The following CFAP57 variants were observed in gnomAD, a reference collection of about 807,000 sequenced individuals.
The protein encoded by CFAP57 is cilia- and flagella-associated protein 57.
CFAP57 carries 116 observed loss-of-function variants against 146.8 expected under a neutral mutation model. The ratio of observed to expected loss-of-function variants is 0.79; its 90% confidence interval spans 0.68 to 0.92. CFAP57 has a LOEUF of 0.92. Among genes scored for constraint, CFAP57 ranks in the 40% least tolerant of loss-of-function variants. The pLI is 0.00. For synonymous variants in CFAP57, 518 were observed against 552.8 expected (o/e 0.94, Z 0.88); for missense variants, 1,377 against 1,527.2 (o/e 0.90, Z 1.64).
Position 43,201,372 on chromosome 1 carries a change from A to T in CFAP57, c.1542+1869A>T, listed in dbSNP as rs1230694386. On this transcript the variant is annotated intron_variant, in intron 9 of 22. Coordinates refer to ENST00000372492, the MANE Select transcript of CFAP57 (RefSeq NM_001378189.1). The surrounding 1 kb of genome is among the most constrained non-coding windows in gnomAD (Gnocchi z 4.4). ...AGGTTGAAGTGGTCAGTGGTACTAG[A>T]TGTCAGAGGGAGGTCATGTAAAGTC... is the stretch of plus-strand genomic sequence containing the variant. 6.6e-6 allele frequency among the ~76,000 whole-genome samples: 1 copy of T among 152,240 alleles called. No individual in the cohort carries two copies. The highest frequency in any genetic ancestry group is 1.9e-4 in the East Asian group (1 of 5,200).
chr1:43,243,452 AGGTC>A, intron 22 of CFAP57, 93 bp downstream of exon 22: 1 of 1,357,172 alleles, frequency 7.4e-7, no homozygotes, highest in South Asian at 1.7e-5. Context: ...CTTCTGTATC[AGGTC>A]CCATCTACAC....
intron 9 of CFAP57, among the ~76,000 whole-genome samples, chr1:43,200,034 G>A (rs898920402): frequency 2.0e-5 from 3 of 152,126 alleles, no homozygotes; most frequent in Non-Finnish European, 4.4e-5. Context: ...TCAGGGCAGA[G>A]AATATGACCG....
In CFAP57 at chr1:43,201,894, C is replaced by T. The variant is rs1004688875; in HGVS notation, c.1542+2391C>T. On this transcript the variant is annotated intron_variant, in intron 9 of 22. Transcript: ENST00000372492. This position sits in a 1 kb window ranked among gnomAD's most constrained non-coding sequence, Gnocchi z 4.4. ...CCTCCCAAAGTCCTGGGATTACAGG[C>T]GTGAGCCACCGCGCCTGGCCCACGG... Among the ~76,000 whole-genome samples, 2 of 152,308 alleles carry T rather than the reference C, an allele frequency of 1.3e-5. No individual in the cohort carries two copies. Among genetic ancestry groups the T allele is most frequent in the Non-Finnish European group, 2.9e-5 (2 of 68,026 alleles).
Position 43,227,143 on chromosome 1 carries a change from A to G in CFAP57, c.3009+17A>G. 6.6e-7 allele frequency: 1 copy of G among 1,520,512 alleles called. No individual in the cohort carries two copies. Among genetic ancestry groups the G allele is most frequent in the Non-Finnish European group, 8.8e-7 (1 of 1,134,226 alleles). 94.2% of individuals were successfully genotyped at this position (1,520,512 alleles called of 1,614,324 possible). On this transcript the variant is annotated intron_variant, in intron 18 of 22. Transcript: ENST00000372492. ...ATTCAGGAGGTAAGAAGCCATTTGCAACACTCTGGCCTCTCAGACCCTCTG... is the reference window on the plus strand; with the variant it reads ...ATTCAGGAGGTAAGAAGCCATTTGCGACACTCTGGCCTCTCAGACCCTCTG...
chr1:43,211,265 T>G (rs1164501222), intron 11 of CFAP57, among the ~76,000 whole-genome samples: 1 of 152,146 alleles, frequency 6.6e-6, no homozygotes, highest in Non-Finnish European at 1.5e-5. Context: ...ATAGAAGCAA[T>G]GCATATTTAT....
chr1:43,215,468 T>C, intron 12 of CFAP57, 52 bp downstream of exon 12: 1 of 1,526,962 alleles, frequency 6.5e-7, no homozygotes, highest in Non-Finnish European at 8.8e-7. Flanking sequence ...CCAGACTGCA[T>C]TCAGATGCAG....
chr1:43,181,976 G>A (rs952518921), intron 3 of CFAP57, 126 bp downstream of exon 3: 43 of 1,078,860 alleles, frequency 4.0e-5, no homozygotes, highest in Middle Eastern at 2.4e-4. Flanking sequence ...TACAACAACC[G>A]TATAAGGTAT....
chr1:43,195,261 C>T (rs1452509367), intron 6 of CFAP57, among the ~76,000 whole-genome samples: 1 of 152,164 alleles, frequency 6.6e-6, no homozygotes, highest in African/African-American at 2.4e-5. Context: ...TGATGGCTCA[C>T]ACCTATAATC....
chr1:43,178,915 GAA>G (rs1645274538), intron 2 of CFAP57, among the ~76,000 whole-genome samples: 1 of 152,150 alleles, frequency 6.6e-6, no homozygotes, highest in Non-Finnish European at 1.5e-5. Flanking sequence ...ACTGGATTAA[GAA>G]AATGTGGCAC....
At chr1:43,173,043 A>T (rs1399646606) in intron 2 of CFAP57, 133 bp downstream of exon 2, 1 of 754,938 alleles carries the variant, frequency 1.3e-6, no homozygotes, top group Non-Finnish European at 2.3e-6. Context: ...ATGTAGAGGA[A>T]ATAAATGGCG....
chr1:43,234,671 G>A, intron 21 of CFAP57, 33 bp downstream of exon 21: 1 of 1,528,634 alleles, frequency 6.5e-7, no homozygotes, highest in Non-Finnish European at 8.8e-7. Context: ...CCCTGTGGAG[G>A]CCAAGCCATC....
chr1:43,253,803 C>T (rs192915879), intron 22 of CFAP57, among the ~76,000 whole-genome samples, 174 bp from the exon 23 acceptor site: 1 of 152,200 alleles, frequency 6.6e-6, no homozygotes, highest in East Asian at 1.9e-4. Flanking sequence ...CTTCACTTCT[C>T]CATCTCTCTG....
In CFAP57 at chr1:43,203,967, C is replaced by T. The variant is rs190838795; in HGVS notation, c.1543-2753C>T. 2.2e-3 allele frequency among the ~76,000 whole-genome samples: 334 copies of T among 152,186 alleles called. 1 individual carries two copies. Among genetic ancestry groups the T allele is most frequent in the Non-Finnish European group, 2.6e-3 (179 of 67,992 alleles). On this transcript the variant is annotated intron_variant, in intron 9 of 22. Coordinates refer to ENST00000372492, the MANE Select transcript of CFAP57 (RefSeq NM_001378189.1). ...TCTCCTAGTGCTCTCATTACAGTAC[C>T]ATACGTGGGTGCATTTAATGGATGC... is the stretch of plus-strand genomic sequence containing the variant.
intron 22 of CFAP57, among the ~76,000 whole-genome samples, chr1:43,248,150 A>C (rs898325402): frequency 1.3e-5 from 2 of 151,102 alleles, no homozygotes; most frequent in Non-Finnish European, 1.5e-5. Context: ...AAAAAAAAAA[A>C]AAAAAAAAAA....
At chr1:43,210,325 AG>A in intron 11 of CFAP57, 1 of 1,404,436 alleles carries the variant, frequency 7.1e-7, no homozygotes, top group Non-Finnish European at 9.3e-7. Context: ...AGGCCACCCC[AG>A]GGGCAATACC....
At chr1:43,186,186 G>A (rs1643070634) in intron 5 of CFAP57, among the ~76,000 whole-genome samples, 1 of 152,026 alleles carries the variant, frequency 6.6e-6, no homozygotes, top group Non-Finnish European at 1.5e-5. Context: ...AAGTTGCATT[G>A]AGCCAAGATC....
chr1:43,190,514 C>T (rs1421889031), intron 6 of CFAP57, among the ~76,000 whole-genome samples: 1 of 152,126 alleles, frequency 6.6e-6, no homozygotes, highest in East Asian at 1.9e-4. Context: ...TTGTGATCCG[C>T]CTGCCTCGGC....
intron 8 of CFAP57, 80 bp downstream of exon 8, chr1:43,198,726 G>C: frequency 6.5e-7 from 1 of 1,536,248 alleles, no homozygotes; most frequent in Non-Finnish European, 8.9e-7. Context: ...ACATGATCTG[G>C]GGAGGTGGGA....
At chr1:43,207,560 CA>C (rs1330582606) in intron 10 of CFAP57, among the ~76,000 whole-genome samples, 3 of 152,164 alleles carry the variant, frequency 2.0e-5, no homozygotes, top group Non-Finnish European at 4.4e-5. Context: ...GTTTGCGTGA[CA>C]AAATAGCCTA....
Sources: gnomAD v4.1 joint callset for allele counts (sites outside exome capture counted in the v4.1 genomes callset) on GRCh38, gnomAD v4.1.1 for gene constraint, Gnocchi (gnomAD v3.1) non-coding constraint, MANE v1.5 for transcripts, NCBI Gene and HGNC (gene_info 2026-07-23, HGNC 2026-07-21) for gene names.